Variants in GSE1 observed in about 807,000 individuals in gnomAD.
The protein encoded by GSE1 is Gse1 coiled-coil protein, also known as genetic suppressor element 1.
Under a neutral mutation model 112.6 loss-of-function variants are expected in GSE1, and 32 were observed. The observed-to-expected ratio is 0.28, with a 90% CI of 0.21 to 0.38. The LOEUF is 0.38. Ranked by LOEUF, GSE1 falls within the 10% of genes least tolerant of loss-of-function variation. GSE1 has a pLI of 1.00. For synonymous variants in GSE1, 1,115 were observed against 735.6 expected, an observed-to-expected ratio of 1.52 and a Z score of -8.35; for missense variants, 2,348 against 1,699.2, an observed-to-expected ratio of 1.38 and a Z score of -6.71.
At chr16:85,446,103 G>C (rs2049504617) in intron 2 of GSE1, among the ~76,000 whole-genome samples, 1 of 152,188 alleles carries the variant, frequency 6.6e-6, no homozygotes, top group Admixed American at 6.5e-5. Context: ...CTGATTGGTA[G>C]TATGATTGCT....
chr16:85,652,227 C>T (rs556498318), intron 3 of GSE1, among the ~76,000 whole-genome samples: 19 of 152,356 alleles, frequency 1.2e-4, no homozygotes, highest in South Asian at 4.1e-4. Context: ...GGTGCCGTGA[C>T]GGGCACATGC....
intron 1 of GSE1, among the ~76,000 whole-genome samples, chr16:85,198,352 A>G (rs201778532): frequency 6.6e-6 from 1 of 152,218 alleles, no homozygotes; most frequent in East Asian, 1.9e-4. Context: ...ACACTGAGAC[A>G]TGTCCTTGGA....
intron 1 of GSE1, among the ~76,000 whole-genome samples, chr16:85,261,955 G>A (rs1017442087): frequency 2.6e-5 from 4 of 152,152 alleles, no homozygotes; most frequent in African/African-American, 4.8e-5. Flanking sequence ...TCTCCCCCAT[G>A]CCTTATGTCG....
chr16:85,272,135 G>T (rs1371279638), intron 1 of GSE1, among the ~76,000 whole-genome samples: 2 of 152,242 alleles, frequency 1.3e-5, no homozygotes, highest in African/African-American at 4.8e-5. Flanking sequence ...TTAGCTGGGT[G>T]CACACGCAGG....
At chr16:85,337,811 T>A (rs1019689176) in intron 1 of GSE1, among the ~76,000 whole-genome samples, 2 of 152,256 alleles carry the variant, frequency 1.3e-5, no homozygotes, top group Non-Finnish European at 1.5e-5. Flanking sequence ...AATGGAAGCG[T>A]CAGCCTCTGC....
intron 1 of GSE1, among the ~76,000 whole-genome samples, chr16:85,182,594 G>C (rs11639883): frequency 0.37 from 56,607 of 152,006 alleles, 11,094 homozygotes; most frequent in Admixed American, 0.49. Flanking sequence ...GATGCCTCCT[G>C]CAAGAGCACT....
intron 2 of GSE1, among the ~76,000 whole-genome samples, chr16:85,531,953 T>A (rs1193337706): frequency 6.6e-6 from 1 of 152,006 alleles, no homozygotes; most frequent in African/African-American, 2.4e-5. Flanking sequence ...AGGGAGCTGA[T>A]GGAGAAGGGG....
chr16:85,665,186 G>T, intron 12 of GSE1, 58 bp downstream of exon 12: 1 of 1,000,476 alleles, frequency 1.0e-6, no homozygotes, highest in Non-Finnish European at 1.6e-6. Flanking sequence ...GGCTGCCCAG[G>T]CTCAGAGGCG....
At chr16:85,437,974 A>G (rs914987995) in intron 2 of GSE1, among the ~76,000 whole-genome samples, 1 of 152,184 alleles carries the variant, frequency 6.6e-6, no homozygotes, top group Admixed American at 6.5e-5. Flanking sequence ...TGGAAGGTGC[A>G]TAAATAACAG....
chr16:85,189,907 A>G (rs1391615598), intron 1 of GSE1, among the ~76,000 whole-genome samples: 1 of 152,138 alleles, frequency 6.6e-6, no homozygotes, highest in African/African-American at 2.4e-5. Flanking sequence ...TTTCTTAACC[A>G]GTATAGGAAT....
rs769240026 is a variant in GSE1 at position 85,661,682 on chromosome 16, A to C, written c.2177A>C (p.Tyr726Ser). ...CGGGCCCCCGACCCTGCCTACATCT[A>C]TGATGAGTTCCTGCAGCAGCGCCGG... The part of the protein sequence containing the change: ...VPRAPDPAYI[Y>S]DEFLQQRRRL... Residue 726 changes from tyrosine (Y) to serine (S), a missense_variant, in exon 9 of 16, where the codon TAT (tyrosine) becomes TCT (serine). Physicochemically the swap from Tyr to Ser is moderately radical, Grantham distance 144. Coordinates refer to ENST00000253458, the MANE Select transcript of GSE1 (RefSeq NM_014615.5). 3.1e-6 allele frequency: 5 copies of C among 1,609,906 alleles called. No individual in the cohort carries two copies. Among genetic ancestry groups the C allele is most frequent in the South Asian group, 1.1e-5 (1 of 90,744 alleles).
At chr16:85,206,610 G>GT (rs2075120659) in intron 1 of GSE1, among the ~76,000 whole-genome samples, 1 of 152,108 alleles carries the variant, frequency 6.6e-6, no homozygotes, top group African/African-American at 2.4e-5. Flanking sequence ...GGCCAAGGCC[G>GT]GGGGGCCCCT....
chr16:85,554,992 T>A, upstream of GSE1: 1 of 985,274 alleles, frequency 1.0e-6, no homozygotes, highest in East Asian at 1.1e-4. Context: ...CCCGTCCGCA[T>A]GGATCTGCCG....
Position 85,295,434 on chromosome 16 carries a change from C to T in GSE1, c.2284-62029C>T, listed in dbSNP as rs868772005. ...ATGGCTGAGTGATTATTCCACCGTG[C>T]GCGTAGACCGCGTCCTTTTTGCCCA... On this transcript the variant is annotated intron_variant, in intron 1 of 2. Transcript: ENST00000637419. Among the ~76,000 whole-genome samples, 6 of 152,378 alleles carry T rather than the reference C, an allele frequency of 3.9e-5. No individual in the cohort carries two copies. In the South Asian group the frequency reaches 1.2e-3, roughly 32 times the overall value.
In GSE1 at chr16:85,312,207, G is replaced by GGGGC. The variant is rs1555559867; in HGVS notation, c.2284-45253_2284-45252insCGGG. 2.8e-3 allele frequency among the ~76,000 whole-genome samples: 423 copies of GGGGC among 150,312 alleles called. 97 individuals are homozygous for GGGGC. The highest frequency in any genetic ancestry group is 9.8e-3 in the African/African-American group (397 of 40,414). On this transcript the variant is annotated intron_variant, in intron 1 of 2. Transcript: ENST00000637419. ...TGTGGTCTCTCTGATCCTCTTGCGGGGGGGGGGGGGACACACTTACCCCCA... is the reference window on the plus strand; with the variant it reads ...TGTGGTCTCTCTGATCCTCTTGCGGGGGGCGGGGGGGGGGACACACTTACCCCCA...
Position 85,663,524 on chromosome 16 carries a change from G to C in GSE1, c.2554G>C (p.Asp852His). The C allele has an allele frequency of 6.2e-7, 1 of 1,613,876 alleles. No homozygotes were observed. Among genetic ancestry groups the C allele is most frequent in the Non-Finnish European group, 8.5e-7 (1 of 1,180,022 alleles). The change falls in exon 11 of 16, where the codon GAT (aspartate) becomes CAT (histidine). Residue 852 changes from aspartate to histidine, a missense_variant. Transcript: ENST00000253458. ...GGCGCTGTCTACCCGCTACAGCCCTGATGAGATGAACAACAGTCCCAACTT... is the reference window on the plus strand; with the variant it reads ...GGCGCTGTCTACCCGCTACAGCCCTCATGAGATGAACAACAGTCCCAACTT... ...RLALSTRYSP[D>H]EMNNSPNFEE...
intron 1 of GSE1, among the ~76,000 whole-genome samples, chr16:85,220,829 C>T (rs535216569): frequency 1.6e-3 from 243 of 152,248 alleles, no homozygotes; most frequent in African/African-American, 5.5e-3. Context: ...CTCTGATTCA[C>T]TCTCTCCCAC....
intron 1 of GSE1, among the ~76,000 whole-genome samples, chr16:85,260,613 G>A (rs1567646020): frequency 6.6e-6 from 1 of 152,138 alleles, no homozygotes; most frequent in Non-Finnish European, 1.5e-5. Context: ...ATGAGCCACC[G>A]CACCCAGCCA....
intron 8 of GSE1, 60 bp from the exon 9 acceptor site, chr16:85,661,086 A>C: frequency 1.4e-6 from 2 of 1,474,436 alleles, no homozygotes; most frequent in Non-Finnish European, 9.1e-7. Flanking sequence ...CAGCCAGGGA[A>C]GCCTGTGGAT....
Sources: allele counts gnomAD v4.1 joint callset (sites outside exome capture counted in the v4.1 genomes callset), GRCh38; gene constraint gnomAD v4.1.1; transcripts MANE v1.5; gene names NCBI Gene and HGNC (gene_info 2026-07-23, HGNC 2026-07-21).